Variants in FGF12 observed in about 807,000 individuals in gnomAD.
FGF12 encodes fibroblast growth factor 12, also known as fibroblast growth factor 12B.
In FGF12, 14 loss-of-function variants were observed where a neutral mutation model predicts 23.6. The ratio of observed to expected loss-of-function variants is 0.59; its 90% CI spans 0.39 to 0.93. The LOEUF (loss-of-function observed/expected upper bound fraction) is 0.93, where lower values mean the gene tolerates loss of function less well. Ranked by LOEUF, FGF12 falls within the 40% of genes least tolerant of loss-of-function variation. The pLI, the probability that FGF12 is intolerant of heterozygous loss-of-function variation, is 0.00. For synonymous variants in FGF12, 62 were observed against 77.3 expected (o/e 0.80, Z 1.04); for missense variants, 175 against 217.8 (o/e 0.80, Z 1.24).
chr3:192,282,062 A>T (rs1387426971), intron 4 of FGF12, among the ~76,000 whole-genome samples: 1 of 152,184 alleles, frequency 6.6e-6, no homozygotes, highest in Non-Finnish European at 1.5e-5. Flanking sequence ...CCACTTGAAG[A>T]ACATTCGTAA....
At chr3:192,340,860 G>GA (rs1262240503) in intron 3 of FGF12, among the ~76,000 whole-genome samples, 1 of 151,802 alleles carries the variant, frequency 6.6e-6, no homozygotes, top group Non-Finnish European at 1.5e-5. Context: ...AAACCCATAG[G>GA]AAAAAAACAT....
At chr3:192,504,928 T>G (rs746436900) in intron 2 of FGF12, among the ~76,000 whole-genome samples, 1 of 152,156 alleles carries the variant, frequency 6.6e-6, no homozygotes, top group Non-Finnish European at 1.5e-5. Context: ...TTCTGTATTT[T>G]CTCAGTTGTC....
rs558131669 is a variant in FGF12 at position 192,669,013 on chromosome 3, T to C, written c.13+58168A>G. ...AAACGTGAAACACAAATAAATATGC[T>C]CTAATATGTTTCATAGGTATTTTAA... is the stretch of plus-strand genomic sequence containing the variant. On this transcript the variant is annotated intron_variant, in intron 2 of 5. Coordinates refer to ENST00000445105, the MANE Select transcript of FGF12 (RefSeq NM_004113.6). Among the ~76,000 whole-genome samples, 10 of 152,230 alleles carry C rather than the reference T, an allele frequency of 6.6e-5. No individual in the cohort carries two copies. In the East Asian group the frequency reaches 1.5e-3, roughly 24 times the overall value.
At chr3:192,466,382 TAAAC>T (rs1298711557) in intron 2 of FGF12, among the ~76,000 whole-genome samples, 1 of 152,122 alleles carries the variant, frequency 6.6e-6, no homozygotes, top group Non-Finnish European at 1.5e-5. Flanking sequence ...GGAAAGCACT[TAAAC>T]ACACACACAC....
chr3:192,408,327 C>T lies in FGF12; in HGVS notation c.14-47789G>A, dbSNP rs575943340. 80 of 1,435,260 alleles carry T rather than the reference C, an allele frequency of 5.6e-5. 1 individual carries two copies. The East Asian group carries it at 1.9e-3, about 33-fold the overall frequency. The allele number at this position is 1,435,260 out of a possible 1,614,324, so 88.9% of individuals were successfully genotyped here. On this transcript the variant is annotated intron_variant, in intron 2 of 5. Transcript: ENST00000445105. This position sits in a 1 kb window ranked among gnomAD's most constrained non-coding sequence, Gnocchi z 7.3. ...TGGGCGGCCAGGGAAAGGGCAGTCG[C>T]GGGGAGGCAGTGCTAAAATTTGAGG...
chr3:192,297,562 C>T (rs1183789991), intron 4 of FGF12, among the ~76,000 whole-genome samples: 2 of 152,140 alleles, frequency 1.3e-5, no homozygotes, highest in African/African-American at 4.8e-5. Flanking sequence ...ATTTCCCTGG[C>T]ACATCACCCA....
chr3:192,463,424 A>G (rs983208656), intron 2 of FGF12, among the ~76,000 whole-genome samples: 2 of 152,164 alleles, frequency 1.3e-5, no homozygotes, highest in Non-Finnish European at 2.9e-5. Context: ...TGTCTCAAAA[A>G]AAAAGTTGTT....
intron 2 of FGF12, among the ~76,000 whole-genome samples, chr3:192,444,900 C>G (rs1227743797): frequency 6.6e-6 from 1 of 152,194 alleles, no homozygotes; most frequent in African/African-American, 2.4e-5. Context: ...AATCCGTCCT[C>G]AGGTAAAATT....
rs1232857827 is a variant in FGF12 at position 192,140,709 on chromosome 3, C to A, written c.*3300G>T. 6.6e-6 allele frequency: 1 copy of A among 151,870 alleles called. No individual in the cohort carries two copies. Among genetic ancestry groups the A allele is most frequent in the Admixed American group, 6.6e-5 (1 of 15,248 alleles). The allele number at this position is 151,870 out of a possible 1,614,324, so 9.4% of individuals were successfully genotyped here. A position where few individuals can be genotyped will look rare whatever the true frequency, so the allele number is the denominator to read the frequency against. On this transcript the variant is annotated 3_prime_UTR_variant, in exon 6 of 6. Transcript: ENST00000445105. The stretch of plus-strand genomic sequence containing the variant: ...AAGCTTTCTGAATTAGAATGAGGCC[C>A]ATAAAGCATCACATTGCATTACATT...
At chr3:192,459,815 A>T (rs1179631230) in intron 2 of FGF12, among the ~76,000 whole-genome samples, 1 of 151,872 alleles carries the variant, frequency 6.6e-6, no homozygotes, top group Non-Finnish European at 1.5e-5. Flanking sequence ...ATCTGAAAAG[A>T]AATCTTTCCT....
intron 2 of FGF12, among the ~76,000 whole-genome samples, chr3:192,492,800 C>A (rs1313348822): frequency 6.6e-6 from 1 of 152,050 alleles, no homozygotes; most frequent in Non-Finnish European, 1.5e-5. Context: ...TCACATGTCA[C>A]TAGGTGTGAG....
chr3:192,641,403 C>G (rs1236175449), intron 2 of FGF12, among the ~76,000 whole-genome samples: 1 of 32,956 alleles, frequency 3.0e-5, no homozygotes, highest in Admixed American at 2.2e-4. Flanking sequence ...CCGCGCCCGG[C>G]CTTTTTTTTT....
chr3:192,553,801 T>C (rs769511653), intron 2 of FGF12, among the ~76,000 whole-genome samples: 28 of 152,198 alleles, frequency 1.8e-4, no homozygotes, highest in Admixed American at 2.0e-4. Flanking sequence ...CTCAGACTTT[T>C]GCGGTGCTGC....
chr3:192,385,955 G>A (rs1011909988), intron 2 of FGF12, among the ~76,000 whole-genome samples: 2 of 152,106 alleles, frequency 1.3e-5, no homozygotes, highest in Non-Finnish European at 2.9e-5. Context: ...CAGGACAAAG[G>A]CCCCTACCTA....
intron 2 of FGF12, among the ~76,000 whole-genome samples, chr3:192,443,387 G>A (rs376771862): frequency 6.6e-6 from 1 of 151,910 alleles, no homozygotes; most frequent in African/African-American, 2.4e-5. Flanking sequence ...TTTTAAATGT[G>A]GATAATAATA....
intron 5 of FGF12, among the ~76,000 whole-genome samples, chr3:192,150,571 G>A (rs941435132): frequency 2.1e-5 from 3 of 146,092 alleles, no homozygotes; most frequent in African/African-American, 7.6e-5. Flanking sequence ...ATTAAATGGG[G>A]AATCCTTTCC....
chr3:192,273,346 G>A (rs1349956306), intron 4 of FGF12, among the ~76,000 whole-genome samples: 2 of 152,104 alleles, frequency 1.3e-5, no homozygotes, highest in African/African-American at 2.4e-5. Context: ...GATCCAAGGA[G>A]AAAGAAGAAA....
intron 3 of FGF12, among the ~76,000 whole-genome samples, chr3:192,352,038 T>A (rs1718244325): frequency 7.0e-6 from 1 of 142,260 alleles, no homozygotes; most frequent in Non-Finnish European, 1.6e-5. Flanking sequence ...TTTTTCATAT[T>A]TTTTTCTTTT....
At chr3:192,598,848 A>T (rs1284261118) in intron 2 of FGF12, among the ~76,000 whole-genome samples, 1 of 152,208 alleles carries the variant, frequency 6.6e-6, no homozygotes, top group African/African-American at 2.4e-5. Flanking sequence ...GTTTAAGAAG[A>T]CTTGGAACCA....
Sources: gnomAD v4.1 joint callset for allele counts (sites outside exome capture counted in the v4.1 genomes callset) on GRCh38, gnomAD v4.1.1 for gene constraint, Gnocchi (gnomAD v3.1) non-coding constraint, MANE v1.5 for transcripts, NCBI Gene and HGNC (gene_info 2026-07-23, HGNC 2026-07-21) for gene names.